CACNG2: variants seen among roughly 807,000 people sequenced by gnomAD.
CACNG2 encodes the protein calcium voltage-gated channel auxiliary subunit gamma 2, also known as voltage-dependent calcium channel gamma-2 subunit.
CACNG2 carries 3 observed loss-of-function variants against 25.9 expected under a neutral mutation model. The observed-to-expected ratio is 0.12, with a 90% confidence interval of 0.05 to 0.30. The LOEUF (loss-of-function observed/expected upper bound fraction) is 0.30. Ranked by LOEUF, CACNG2 falls within the 10% of genes least tolerant of loss-of-function variation. The probability of loss-of-function intolerance (pLI) is 1.00; values close to 1 mark genes in which losing one functional copy is unlikely to be tolerated. For missense variants in CACNG2, 341 were observed against 432.5 expected, an observed-to-expected ratio of 0.79 and a Z score of 1.88; for synonymous variants, 167 against 173.3, an observed-to-expected ratio of 0.96 and a Z score of 0.29.
At chr22:36,596,744 T>G (rs1420439499) in intron 1 of CACNG2, among the ~76,000 whole-genome samples, 1 of 152,112 alleles carries the variant, frequency 6.6e-6, no homozygotes, top group Non-Finnish European at 1.5e-5. Flanking sequence ...CTGGCTCTTG[T>G]CTCCATAGCT....
At chr22:36,567,060 G>A (rs1353578387) in intron 2 of CACNG2, among the ~76,000 whole-genome samples, 1 of 152,196 alleles carries the variant, frequency 6.6e-6, no homozygotes, top group Non-Finnish European at 1.5e-5. Flanking sequence ...GGAACCACGT[G>A]GGTTGGATTT....
At chr22:36,639,272 G>T (rs1352400409) in intron 1 of CACNG2, among the ~76,000 whole-genome samples, 1 of 152,342 alleles carries the variant, frequency 6.6e-6, no homozygotes, top group East Asian at 1.9e-4. Context: ...TCAATAAAGA[G>T]ATCTTGTTGT....
intron 1 of CACNG2, among the ~76,000 whole-genome samples, chr22:36,663,625 C>T (rs1436619283): frequency 6.6e-6 from 1 of 152,120 alleles, no homozygotes; most frequent in Non-Finnish European, 1.5e-5. Flanking sequence ...TAATGCGTCG[C>T]GAGGGGGCCT....
At chr22:36,611,548 C>G (rs1935939786) in intron 1 of CACNG2, among the ~76,000 whole-genome samples, 1 of 152,138 alleles carries the variant, frequency 6.6e-6, no homozygotes, top group East Asian at 1.9e-4. Context: ...ATCAGGCAGG[C>G]AGGTACTGAT....
intron 1 of CACNG2, among the ~76,000 whole-genome samples, chr22:36,613,935 C>T (rs1005241714): frequency 6.6e-6 from 1 of 152,138 alleles, no homozygotes; most frequent in African/African-American, 2.4e-5. Flanking sequence ...AATTCTTTAA[C>T]ATGTCTTGAA....
intron 1 of CACNG2, among the ~76,000 whole-genome samples, chr22:36,666,772 T>A (rs12628386): frequency 6.6e-6 from 1 of 151,688 alleles, no homozygotes; most frequent in South Asian, 2.1e-4. Context: ...GAGGGAACCA[T>A]ACTTCCTAAC....
intron 1 of CACNG2, among the ~76,000 whole-genome samples, chr22:36,651,484 C>T (rs1010610480): frequency 1.3e-5 from 2 of 152,124 alleles, no homozygotes; most frequent in Admixed American, 6.5e-5. Context: ...CTGCCTTGGC[C>T]TCCCAAAGTG....
At chr22:36,683,612 C>CT (rs1220052367) in intron 1 of CACNG2, among the ~76,000 whole-genome samples, 1 of 152,180 alleles carries the variant, frequency 6.6e-6, no homozygotes, top group Non-Finnish European at 1.5e-5. Flanking sequence ...ATGGAGAAAT[C>CT]TTACAGCTTC....
At chr22:36,654,100 C>A (rs917154066) in intron 1 of CACNG2, among the ~76,000 whole-genome samples, 1 of 151,766 alleles carries the variant, frequency 6.6e-6, no homozygotes, top group Non-Finnish European at 1.5e-5. Context: ...TTCCTACATG[C>A]AACCACTGTG....
rs531166024 is a variant in CACNG2, at chr22:36,600,234, A to G, written c.212-12686T>C. Among the ~76,000 whole-genome samples the G allele has an allele frequency of 3.9e-5, 6 of 152,212 alleles. No homozygotes were observed. The South Asian group carries it at 1.2e-3, about 32-fold the overall frequency. ...TGCAACGAGAAAGAAATAAACTATC[A>G]ACTATCTTTATTTTCTTACTTTTAA... On this transcript the variant is annotated intron_variant, in intron 1 of 3. Transcript: ENST00000300105.
At position 36,606,778 on chromosome 22, in the gene CACNG2, G is replaced by GTA. The variant is rs1491130659; in HGVS notation, c.212-19232_212-19231dup. ...TGTGCGTGTGTGTGTGTGTGTGTGT[G>GTA]TATGTGTTTGTATGTATGTGTGTGT... On this transcript the variant is annotated intron_variant, in intron 1 of 3. Transcript: ENST00000300105. This position sits in a 1 kb window ranked among gnomAD's most constrained non-coding sequence, Gnocchi z 5.7. 1.9e-4 allele frequency among the ~76,000 whole-genome samples: 28 copies of GTA among 146,094 alleles called. No homozygotes were observed. Among genetic ancestry groups the GTA allele is most frequent in the Admixed American group, 1.5e-3 (22 of 14,702 alleles).
intron 1 of CACNG2, among the ~76,000 whole-genome samples, chr22:36,638,959 A>G (rs1172691785): frequency 2.6e-5 from 4 of 152,228 alleles, no homozygotes; most frequent in Admixed American, 6.5e-5. Context: ...CATTCCCATC[A>G]ATATTTACTA....
intron 2 of CACNG2, 57 bp downstream of exon 2, chr22:36,587,408 G>A (rs1935522220): frequency 8.0e-7 from 1 of 1,257,722 alleles, no homozygotes; most frequent in Non-Finnish European, 1.2e-6. Flanking sequence ...CTCTGTGAAG[G>A]ATGGAAGGGC....
intron 1 of CACNG2, among the ~76,000 whole-genome samples, chr22:36,623,084 G>A (rs1411904620): frequency 2.4e-5 from 3 of 125,290 alleles, no homozygotes; most frequent in Non-Finnish European, 3.2e-5. Context: ...GCAGTGGCAC[G>A]ATCTTGGCTC....
At chr22:36,646,095 C>T (rs1413311130) in intron 1 of CACNG2, among the ~76,000 whole-genome samples, 1 of 152,230 alleles carries the variant, frequency 6.6e-6, no homozygotes, top group East Asian at 1.9e-4. Flanking sequence ...AAAATATTGG[C>T]TTGACTTGAT....
chr22:36,588,300 G>A (rs1468346544), intron 1 of CACNG2, among the ~76,000 whole-genome samples: 1 of 152,194 alleles, frequency 6.6e-6, no homozygotes, highest in African/African-American at 2.4e-5. Context: ...AGGATCTTTT[G>A]ACTCTAAATG....
At chr22:36,592,981 GACTCTTCTTCTCTT>G (rs2145926062) in intron 1 of CACNG2, among the ~76,000 whole-genome samples, 1 of 152,326 alleles carries the variant, frequency 6.6e-6, no homozygotes, top group East Asian at 1.9e-4. Flanking sequence ...CCAGTAGGGA[GACTCTTCTTCTCTT>G]GCCCCCATCC....
intron 2 of CACNG2, among the ~76,000 whole-genome samples, chr22:36,571,277 C>T (rs887553118): frequency 7.3e-5 from 11 of 151,316 alleles, no homozygotes; most frequent in Admixed American, 2.0e-4. Context: ...GCCAGCATGG[C>T]GAAACCTTGC....
chr22:36,671,928 G>T (rs146713736), intron 1 of CACNG2, among the ~76,000 whole-genome samples: 183 of 152,250 alleles, frequency 1.2e-3, no homozygotes, highest in Middle Eastern at 0.01. Flanking sequence ...GTATTCTTGG[G>T]GATAAGAGGT....
Sources: allele counts gnomAD v4.1 joint callset (sites outside exome capture counted in the v4.1 genomes callset), GRCh38; gene constraint gnomAD v4.1.1; non-coding constraint Gnocchi (gnomAD v3.1); transcripts MANE v1.5; gene names NCBI Gene and HGNC (gene_info 2026-07-23, HGNC 2026-07-21).